OR56A5: variants seen among roughly 807,000 people sequenced by gnomAD.
OR56A5 encodes olfactory receptor family 56 subfamily A member 5.
In OR56A5, 10 loss-of-function variants were observed where a neutral mutation model predicts 13.8. The ratio of observed to expected loss-of-function variants is 0.73; its 90% CI spans 0.45 to 1.23. The LOEUF (loss-of-function observed/expected upper bound fraction) is 1.23, where lower values mean the gene tolerates loss of function less well. Among genes scored for constraint, OR56A5 ranks in the 50% most tolerant of loss-of-function variants. The pLI is 0.00. For synonymous variants in OR56A5, 156 were observed against 150.8 expected (o/e 1.03, Z -0.25); for missense variants, 377 against 370.9 (o/e 1.02, Z -0.13).
Position 5,968,378 on chromosome 11 carries a change from G to A in OR56A5, c.117C>T (p.Leu39=). Residue 39 remains leucine, a synonymous_variant, in exon 1 of 1, where the codon CTC becomes CTT. Coordinates refer to ENST00000532411, the MANE Select transcript of OR56A5 (RefSeq NM_001146033.1). ...GGGTGGCATTGGCCCCCATGGCCAG[G>A]AGGAAGAGGAGGCTGAGGGGCAGAG... ...WLSLPLSLLF[L]LAMGANATLL... 7 of 1,613,804 alleles carry A rather than the reference G, an allele frequency of 4.3e-6. No homozygotes were observed. Among genetic ancestry groups the A allele is most frequent in the Non-Finnish European group, 5.9e-6 (7 of 1,179,836 alleles).
At position 5,967,831 on chromosome 11, in the gene OR56A5, A is replaced by T. The variant is rs1335180402; in HGVS notation, c.664T>A (p.Phe222Ile). 3 of 1,565,236 alleles carry T rather than the reference A, an allele frequency of 1.9e-6. No homozygotes were observed. Among genetic ancestry groups the T allele is most frequent in the African/African-American group, 2.7e-5 (2 of 73,768 alleles). Reference protein sequence around the residue: ...SDLILIVLSYFFILKTVLRIK... With the variant: ...SDLILIVLSYIFILKTVLRIK... ...CTTAGCACAGTTTTCAAGATAAAAA[A>T]GTAAGAGAGAACAATAAGGATGAGG... The change falls in exon 1 of 1, where the codon TTT (phenylalanine) becomes ATT (isoleucine). Residue 222 changes from phenylalanine (F) to isoleucine (I), a missense_variant. By Grantham distance (21) the Phe-to-Ile change is conservative. Coordinates refer to ENST00000532411, the MANE Select transcript of OR56A5 (RefSeq NM_001146033.1).
At position 5,967,938 on chromosome 11, in the gene OR56A5, G is replaced by C; in HGVS notation, c.557C>G (p.Ser186Cys). 1 of 1,595,488 alleles carries C rather than the reference G, an allele frequency of 6.3e-7. No homozygotes were observed. The highest frequency in any genetic ancestry group is 1.7e-4 in the Middle Eastern group (1 of 6,038). The change falls in exon 1 of 1, where the codon TCT becomes TGT. Residue 186 changes from serine to cysteine, a missense_variant. By Grantham distance (112) the Ser-to-Cys change is moderately radical (BLOSUM62 -1). Coordinates refer to ENST00000532411, the MANE Select transcript of OR56A5 (RefSeq NM_001146033.1). ...GTCATCACAAGAGAGTTTAGACACA[G>C]ACACGTTAGTACAGATGCAGTTCTT... ...IIKNCICTNV[S>C]VSKLSCDDIT... is the part of the protein sequence containing the mutation.
rs1413679552 is a variant in OR56A5 at position 5,967,766 on chromosome 11, A to G, written c.729T>C (p.Thr243=). ...GGATGAGGATGAAGTGGGAACCACAAGTACCTAGAGCTTTGGCCATATCTC... is the reference window on the plus strand; with the variant it reads ...GGATGAGGATGAAGTGGGAACCACAGGTACCTAGAGCTTTGGCCATATCTC... The part of the protein sequence containing the change: ...GEGDMAKALG[T]CGSHFILILF... Residue 243 remains threonine, a synonymous_variant, in exon 1 of 1, where the codon ACT becomes ACC. Transcript: ENST00000532411. 8.1e-6 allele frequency: 13 copies of G among 1,598,236 alleles called. No individual in the cohort carries two copies. Among genetic ancestry groups the G allele is most frequent in the African/African-American group, 1.3e-5 (1 of 74,930 alleles).
chr11:5,968,259 G>A lies in OR56A5; in HGVS notation c.236C>T (p.Thr79Ile). Residue 79 changes from threonine (T) to isoleucine (I), a missense_variant, in exon 1 of 1, where the codon ACC (threonine) becomes ATC (isoleucine). Physicochemically the swap from Thr to Ile is moderately conservative, Grantham distance 89 (BLOSUM62 -1). Coordinates refer to ENST00000532411, the MANE Select transcript of OR56A5 (RefSeq NM_001146033.1). ...LSLLDIVLCL[T>I]VIPKVLAIFW... ...GATGGCCAGGACCTTGGGGATGACG[G>A]TGAGGCAGAGTACGATGTCCAGCAG... 1 of 1,613,566 alleles carries A rather than the reference G, an allele frequency of 6.2e-7. No individual in the cohort carries two copies. The highest frequency in any genetic ancestry group is 8.5e-7 in the Non-Finnish European group (1 of 1,179,690).
chr11:5,967,923 G>A lies in OR56A5; in HGVS notation c.572C>T (p.Ser191Phe). The A allele has an allele frequency of 6.3e-7, 1 of 1,595,046 alleles. No homozygotes were observed. The highest frequency in any genetic ancestry group is 8.6e-7 in the Non-Finnish European group (1 of 1,169,528). Reference sequence around the variant, plus strand: ...CTGATTCAAGGTGATGTCATCACAAGAGAGTTTAGACACAGACACGTTAGT... The same window carrying A: ...CTGATTCAAGGTGATGTCATCACAAAAGAGTTTAGACACAGACACGTTAGT... ...ICTNVSVSKL[S>F]CDDITLNQSY... Residue 191 changes from serine (S) to phenylalanine (F), a missense_variant, in exon 1 of 1, where the codon TCT becomes TTT. Ser to Phe is a radical substitution (Grantham distance 155, BLOSUM62 -2). Transcript: ENST00000532411.
At position 5,968,141 on chromosome 11, in the gene OR56A5, G is replaced by A; in HGVS notation, c.354C>T (p.Phe118=). 6.2e-7 allele frequency: 1 copy of A among 1,614,218 alleles called. No individual in the cohort carries two copies. The highest frequency in any genetic ancestry group is 1.7e-5 in the Admixed American group (1 of 60,012). Residue 118 remains phenylalanine (F), a synonymous_variant, in exon 1 of 1, where the codon TTC becomes TTT. Transcript: ENST00000532411. ...CATAGCGGTCATAGGCCATGATCATGAATGTGCAGGACTCCATAGTCAGAA... is the reference window on the plus strand; with the variant it reads ...CATAGCGGTCATAGGCCATGATCATAAATGTGCAGGACTCCATAGTCAGAA... ...NSFLTMESCT[F]MIMAYDRYVA...
In OR56A5 at chr11:5,968,037, GC is replaced by G; in HGVS notation, c.457del (p.Ala153ProfsTer45). ...FVARAAIFVV[A>X]RNGLLTMPIP... ...AGGCATAGTAAGAAGGCCATTCCTG[GC>G]CACAACAAAGATGGCAGCCCTAGCG... is the stretch of plus-strand genomic sequence containing the variant. On this transcript the variant is annotated frameshift_variant, in exon 1 of 1. Transcript: ENST00000532411. LOFTEE classifies it high-confidence loss of function. The G allele has an allele frequency of 1.9e-6, 3 of 1,602,450 alleles. No homozygotes were observed. Among genetic ancestry groups the G allele is most frequent in the Non-Finnish European group, 2.6e-6 (3 of 1,173,614 alleles).
chr11:5,968,341 T>C lies in OR56A5; in HGVS notation c.154A>G (p.Ile52Val). 6.2e-7 allele frequency: 1 copy of C among 1,613,372 alleles called. No individual in the cohort carries two copies. Among genetic ancestry groups the C allele is most frequent in the Non-Finnish European group, 8.5e-7 (1 of 1,179,720 alleles). Residue 52 changes from isoleucine (I) to valine (V), a missense_variant, in exon 1 of 1, where the codon ATC (isoleucine) becomes GTC (valine). Coordinates refer to ENST00000532411, the MANE Select transcript of OR56A5 (RefSeq NM_001146033.1). ...TGGTGCAGAGAGGCTTCCAGATAGA[T>C]GGTGATCAGAAGGGTGGCATTGGCC... is the stretch of plus-strand genomic sequence containing the variant. ...MGANATLLIT[I>V]YLEASLHQPL...
At position 5,968,166 on chromosome 11, in the gene OR56A5, A is replaced by G. The variant is rs1192429521; in HGVS notation, c.329T>C (p.Phe110Ser). ...CFLQVFIMNS[F>S]LTMESCTFMI... is the part of the protein sequence containing the mutation. Reference sequence around the variant, plus strand: ...GAATGTGCAGGACTCCATAGTCAGAAAACTGTTCATGATGAACACCTGAAG... The same window carrying G: ...GAATGTGCAGGACTCCATAGTCAGAGAACTGTTCATGATGAACACCTGAAG... Residue 110 changes from phenylalanine (F) to serine (S), a missense_variant, in exon 1 of 1, where the codon TTT becomes TCT. Phe to Ser is a radical substitution (Grantham distance 155). Transcript: ENST00000532411. 3.1e-6 allele frequency: 5 copies of G among 1,614,112 alleles called. No homozygotes were observed. The African/African-American group carries it at 4.0e-5, about 13-fold the overall frequency.
Position 5,968,197 on chromosome 11 carries a change from A to T in OR56A5, c.298T>A (p.Cys100Ser), listed in dbSNP as rs759876105. 11 of 1,614,238 alleles carry T rather than the reference A, an allele frequency of 6.8e-6. No individual in the cohort carries two copies. In the South Asian group the frequency reaches 1.1e-4, roughly 16 times the overall value. The change falls in exon 1 of 1, where the codon TGC becomes AGC. Residue 100 changes from cysteine (C) to serine (S), a missense_variant. Transcript: ENST00000532411. ...FDLRSISFPA[C>S]FLQVFIMNSF... ...TTCATGATGAACACCTGAAGGAAGC[A>T]GGCAGGGAAGCTGATTGATCTGAGG...
Position 5,967,704 on chromosome 11 carries a change from G to A in OR56A5, c.791C>T (p.Thr264Ile). The A allele has an allele frequency of 6.2e-7, 1 of 1,613,480 alleles. No homozygotes were observed. Among genetic ancestry groups the A allele is most frequent in the Non-Finnish European group, 8.5e-7 (1 of 1,179,786 alleles). ...AGGAATTCTCTTCCTGGCCAGGTTA[G>A]TGATGACCAGAACCAGCAGGACTGT... ...FTTVLLVLVI[T>I]NLARKRIPPD... is the part of the protein sequence containing the mutation. Residue 264 changes from threonine (T) to isoleucine (I), a missense_variant, in exon 1 of 1, where the codon ACT becomes ATT. Thr to Ile is a moderately conservative substitution (Grantham distance 89). Transcript: ENST00000532411.
rs752659451 is a variant in OR56A5 at position 5,967,860 on chromosome 11, G to A, written c.635C>T (p.Ser212Phe). Reference sequence around the variant, plus strand: ...AGAGAGAACAATAAGGATGAGGTCAGAGCCCAGCAGGGTCCAACCTATAAC... The same window carrying A: ...AGAGAGAACAATAAGGATGAGGTCAAAGCCCAGCAGGGTCCAACCTATAAC... ...QFVIGWTLLG[S>F]DLILIVLSYF... is the part of the protein sequence containing the mutation. Residue 212 changes from serine to phenylalanine, a missense_variant, in exon 1 of 1, where the codon TCT becomes TTT. Coordinates refer to ENST00000532411, the MANE Select transcript of OR56A5 (RefSeq NM_001146033.1). The A allele has an allele frequency of 3.8e-6, 6 of 1,570,518 alleles. No homozygotes were observed. The Admixed American group carries it at 1.1e-4, about 30-fold the overall frequency.
At position 5,968,200 on chromosome 11, in the gene OR56A5, C is replaced by T. The variant is rs1387325774; in HGVS notation, c.295G>A (p.Ala99Thr). The T allele has an allele frequency of 6.2e-7, 1 of 1,614,170 alleles. No homozygotes were observed. The highest frequency in any genetic ancestry group is 8.5e-7 in the Non-Finnish European group (1 of 1,180,024). Residue 99 changes from alanine (A) to threonine (T), a missense_variant, in exon 1 of 1, where the codon GCC becomes ACC. Physicochemically the swap from Ala to Thr is moderately conservative, Grantham distance 58. Transcript: ENST00000532411. ...ATGATGAACACCTGAAGGAAGCAGG[C>T]AGGGAAGCTGATTGATCTGAGGTCA... ...WFDLRSISFPACFLQVFIMNS... is the reference protein window; with the variant it reads ...WFDLRSISFPTCFLQVFIMNS...
At position 5,967,602 on chromosome 11, in the gene OR56A5, C is replaced by T; in HGVS notation, c.893G>A (p.Arg298Lys). 6.2e-7 allele frequency: 1 copy of T among 1,613,336 alleles called. No homozygotes were observed. Among genetic ancestry groups the T allele is most frequent in the Non-Finnish European group, 8.5e-7 (1 of 1,179,654 alleles). ...GATTCCCTGCTTGATCTCCTTGGTTCTCACACCATAAACAATGGGGTTCAG... is the reference window on the plus strand; with the variant it reads ...GATTCCCTGCTTGATCTCCTTGGTTTTCACACCATAAACAATGGGGTTCAG... ...PALNPIVYGV[R>K]TKEIKQGIQN... The change falls in exon 1 of 1, where the codon AGA (arginine) becomes AAA (lysine). Residue 298 changes from arginine to lysine, a missense_variant. Transcript: ENST00000532411.
In OR56A5 at chr11:5,968,333, CAGAT is replaced by C. The variant is rs1848009269; in HGVS notation, c.158_161del (p.Tyr53TrpfsTer54). 1 of 1,613,104 alleles carries C rather than the reference CAGAT, an allele frequency of 6.2e-7. No homozygotes were observed. The highest frequency in any genetic ancestry group is 1.3e-5 in the African/African-American group (1 of 74,860). On this transcript the variant is annotated frameshift_variant, in exon 1 of 1. Transcript: ENST00000532411. LOFTEE classifies it high-confidence loss of function. Reference sequence around the variant, plus strand: ...ACAGGGGCTGGTGCAGAGAGGCTTCCAGATAGATGGTGATCAGAAGGGTGGCATT... The same window carrying C: ...ACAGGGGCTGGTGCAGAGAGGCTTCCAGATGGTGATCAGAAGGGTGGCATT...
chr11:5,967,592 C>A lies in OR56A5; in HGVS notation c.903G>T (p.Glu301Asp), dbSNP rs1235829257. The A allele has an allele frequency of 6.2e-7, 1 of 1,607,288 alleles. No individual in the cohort carries two copies. Among genetic ancestry groups the A allele is most frequent in the Non-Finnish European group, 8.5e-7 (1 of 1,176,072 alleles). The change falls in exon 1 of 1, where the codon GAG (glutamate) becomes GAT (aspartate). Residue 301 changes from glutamate to aspartate, a missense_variant. Physicochemically the swap from Glu to Asp is conservative, Grantham distance 45. Coordinates refer to ENST00000532411, the MANE Select transcript of OR56A5 (RefSeq NM_001146033.1). ...GCAGGTTCTGGATTCCCTGCTTGAT[C>A]TCCTTGGTTCTCACACCATAAACAA... is the stretch of plus-strand genomic sequence containing the variant. ...NPIVYGVRTK[E>D]IKQGIQNLLR...
Position 5,967,690 on chromosome 11 carries a change from T to C in OR56A5, c.805A>G (p.Lys269Glu). 1 of 1,613,762 alleles carries C rather than the reference T, an allele frequency of 6.2e-7. No individual in the cohort carries two copies. The highest frequency in any genetic ancestry group is 8.5e-7 in the Non-Finnish European group (1 of 1,179,888). The change falls in exon 1 of 1, where the codon AAG (lysine) becomes GAG (glutamate). Residue 269 changes from lysine to glutamate, a missense_variant. By Grantham distance (56) the Lys-to-Glu change is moderately conservative. Coordinates refer to ENST00000532411, the MANE Select transcript of OR56A5 (RefSeq NM_001146033.1). ...ATGGGGACATCCGGAGGAATTCTCT[T>C]CCTGGCCAGGTTAGTGATGACCAGA... ...LVLVITNLAR[K>E]RIPPDVPILL... is the part of the protein sequence containing the mutation.
In OR56A5 at chr11:5,968,367, C is replaced by G. The variant is rs183155481; in HGVS notation, c.128G>C (p.Gly43Ala). 9.3e-6 allele frequency: 15 copies of G among 1,613,762 alleles called. No individual in the cohort carries two copies. The East Asian group carries it at 3.3e-4, about 36-fold the overall frequency. The change falls in exon 1 of 1, where the codon GGG becomes GCG. Residue 43 changes from glycine to alanine, a missense_variant. Gly to Ala is a moderately conservative substitution (Grantham distance 60). Coordinates refer to ENST00000532411, the MANE Select transcript of OR56A5 (RefSeq NM_001146033.1). ...GGTGATCAGAAGGGTGGCATTGGCC[C>G]CCATGGCCAGGAGGAAGAGGAGGCT... ...PLSLLFLLAMGANATLLITIY... is the reference protein window; with the variant it reads ...PLSLLFLLAMAANATLLITIY...
chr11:5,967,957 A>C lies in OR56A5; in HGVS notation c.538T>G (p.Cys180Gly), dbSNP rs1232176561. Residue 180 changes from cysteine (C) to glycine (G), a missense_variant, in exon 1 of 1, where the codon TGC becomes GGC. Transcript: ENST00000532411. ...RYCAGHIIKN[C>G]ICTNVSVSKL... ...GACACAGACACGTTAGTACAGATGC[A>C]GTTCTTGATGATGTGTCCTGCACAG... is the stretch of plus-strand genomic sequence containing the variant. 6.3e-7 allele frequency: 1 copy of C among 1,594,444 alleles called. No individual in the cohort carries two copies. Among genetic ancestry groups the C allele is most frequent in the Admixed American group, 1.8e-5 (1 of 57,042 alleles).
Sources: allele counts gnomAD v4.1 joint callset, GRCh38; gene constraint gnomAD v4.1.1; transcripts MANE v1.5; gene names NCBI Gene and HGNC (gene_info 2026-07-23, HGNC 2026-07-21).